CNTN5: variants seen among roughly 807,000 people sequenced by gnomAD.
CNTN5 encodes the protein contactin-5.
CNTN5 carries 77 observed loss-of-function variants against 129.1 expected under a neutral mutation model. The observed-to-expected ratio is 0.60, with a 90% confidence interval of 0.50 to 0.72. The LOEUF (loss-of-function observed/expected upper bound fraction) is 0.72, where lower values mean the gene tolerates loss of function less well. Among genes scored for constraint, CNTN5 ranks in the 30% least tolerant of loss-of-function variants. The pLI is 0.00. For synonymous variants in CNTN5, 509 were observed against 465.6 expected, an observed-to-expected ratio of 1.09 and a Z score of -1.20; for missense variants, 1,478 against 1,328.8, an observed-to-expected ratio of 1.11 and a Z score of -1.75.
At chr11:99,967,859 A>T (rs1332068861) in intron 8 of CNTN5, among the ~76,000 whole-genome samples, 2 of 152,138 alleles carry the variant, frequency 1.3e-5, no homozygotes, top group African/African-American at 2.4e-5. Flanking sequence ...TTCCCAGCAC[A>T]GTTGTTAATT....
chr11:99,657,038 C>G (rs1416191624), intron 3 of CNTN5, among the ~76,000 whole-genome samples: 3 of 149,744 alleles, frequency 2.0e-5, no homozygotes, highest in Non-Finnish European at 4.4e-5. Flanking sequence ...AGAAGAGTTC[C>G]CTCTGTCCCA....
chr11:100,127,087 C>A (rs563381426), intron 13 of CNTN5, among the ~76,000 whole-genome samples: 1 of 142,058 alleles, frequency 7.0e-6, no homozygotes. Context: ...CACCACCATG[C>A]GCAGCTAATT....
rs377320713 is a variant in CNTN5, at chr11:100,032,627, T to C, written c.981-28585T>C. Among the ~76,000 whole-genome samples the C allele has an allele frequency of 1.4e-4, 21 of 152,292 alleles. No homozygotes were observed. In the South Asian group the frequency reaches 3.9e-3, roughly 29 times the overall value. ...ACATAATTCTTGTATGACTTTGTTA[T>C]GACTTTGTTATGCAATCGTTGATGA... On this transcript the variant is annotated intron_variant, in intron 9 of 24. Coordinates refer to ENST00000524871, the MANE Select transcript of CNTN5 (RefSeq NM_014361.4).
At chr11:99,102,763 G>C (rs1442008943) in intron 1 of CNTN5, among the ~76,000 whole-genome samples, 2 of 152,060 alleles carry the variant, frequency 1.3e-5, no homozygotes, top group Admixed American at 6.6e-5. Context: ...ACATTTTTCT[G>C]TCTTCTGTGC....
intron 3 of CNTN5, among the ~76,000 whole-genome samples, chr11:99,786,609 A>G (rs1945534012): frequency 6.6e-6 from 1 of 152,216 alleles, no homozygotes; most frequent in Non-Finnish European, 1.5e-5. Flanking sequence ...AAACTATACT[A>G]CAAAGCTGCA....
chr11:100,326,370 A>C (rs547997541), intron 21 of CNTN5, among the ~76,000 whole-genome samples: 1 of 152,278 alleles, frequency 6.6e-6, no homozygotes, highest in Non-Finnish European at 1.5e-5. Flanking sequence ...TCTGACATTT[A>C]AGATAGAGAA....
intron 1 of CNTN5, among the ~76,000 whole-genome samples, chr11:99,079,719 A>T (rs1186517827): frequency 1.3e-5 from 2 of 152,204 alleles, no homozygotes; most frequent in African/African-American, 4.8e-5. Flanking sequence ...TGAAGGTGTC[A>T]CACTGTTTCA....
intron 9 of CNTN5, among the ~76,000 whole-genome samples, chr11:100,007,436 A>G (rs573132922): frequency 2.0e-5 from 3 of 152,198 alleles, no homozygotes; most frequent in African/African-American, 4.8e-5. Context: ...AGCCATTTCC[A>G]TCAATTATCT....
intron 8 of CNTN5, among the ~76,000 whole-genome samples, chr11:99,962,984 C>T (rs974683221): frequency 4.5e-4 from 69 of 151,926 alleles, no homozygotes; most frequent in Non-Finnish European, 5.7e-4. Flanking sequence ...TCATATCCTT[C>T]GCCCACTTTT....
rs554543095 is a variant in CNTN5 at position 100,264,165 on chromosome 11, C to T, written c.2165-6927C>T. Among the ~76,000 whole-genome samples, 128 of 152,014 alleles carry T rather than the reference C, an allele frequency of 8.4e-4. No homozygotes were observed. The South Asian group carries it at 0.026, about 31-fold the overall frequency. ...TTATTTTTGTGTTTGTTTTAGAAGT[C>T]CCTACTGTAAAGTTGCATCTTTATC... is the stretch of plus-strand genomic sequence containing the variant. On this transcript the variant is annotated intron_variant, in intron 17 of 24. Coordinates refer to ENST00000524871, the MANE Select transcript of CNTN5 (RefSeq NM_014361.4).
chr11:99,826,781 A>T (rs1330758928), intron 4 of CNTN5, among the ~76,000 whole-genome samples: 2 of 152,208 alleles, frequency 1.3e-5, no homozygotes, highest in Admixed American at 1.3e-4. Flanking sequence ...TATCTGTGTT[A>T]ACAGCAAGCC....
chr11:99,654,065 T>C (rs941862282), intron 3 of CNTN5, among the ~76,000 whole-genome samples: 29 of 152,198 alleles, frequency 1.9e-4, no homozygotes, highest in Non-Finnish European at 7.4e-5. Context: ...TCAGTGATGA[T>C]AAATATTTTA....
In CNTN5 at chr11:99,999,874, G is replaced by A. The variant is rs189704246; in HGVS notation, c.878-2160G>A. Among the ~76,000 whole-genome samples the A allele has an allele frequency of 5.9e-5, 9 of 152,128 alleles. No homozygotes were observed. In the East Asian group the frequency reaches 1.6e-3, roughly 26 times the overall value. ...CCTTTGTAGGGACATGGATGAAATTGGAAATCATCATTCTCAGTAAACTGT... is the reference window on the plus strand; with the variant it reads ...CCTTTGTAGGGACATGGATGAAATTAGAAATCATCATTCTCAGTAAACTGT... On this transcript the variant is annotated intron_variant, in intron 8 of 24. Transcript: ENST00000524871.
At chr11:99,543,658 C>T (rs953632444) in intron 2 of CNTN5, among the ~76,000 whole-genome samples, 3 of 152,046 alleles carry the variant, frequency 2.0e-5, no homozygotes, top group Admixed American at 6.6e-5. Flanking sequence ...TGGCTCATGC[C>T]TGTAATCCCA....
At chr11:99,322,969 C>G (rs1037853309) in intron 1 of CNTN5, among the ~76,000 whole-genome samples, 21 of 152,116 alleles carry the variant, frequency 1.4e-4, no homozygotes, top group African/African-American at 5.1e-4. Flanking sequence ...AATAAGACAA[C>G]TTACCTTCTT....
intron 3 of CNTN5, among the ~76,000 whole-genome samples, chr11:99,721,882 A>G (rs1237324985): frequency 6.6e-6 from 1 of 152,192 alleles, no homozygotes; most frequent in Non-Finnish European, 1.5e-5. Context: ...ACATATGGAA[A>G]AAAGCTCAAT....
At chr11:100,306,302 G>C (rs1404366860) in intron 20 of CNTN5, among the ~76,000 whole-genome samples, 2 of 151,544 alleles carry the variant, frequency 1.3e-5, no homozygotes, top group Non-Finnish European at 3.0e-5. Context: ...TTCTATTTGA[G>C]AAATACTTAA....
chr11:100,032,131 G>A (rs753207587), intron 9 of CNTN5, among the ~76,000 whole-genome samples: 2 of 152,188 alleles, frequency 1.3e-5, no homozygotes, highest in African/African-American at 4.8e-5. Flanking sequence ...CCCAGGGGCT[G>A]CAGGTGAGAG....
chr11:99,368,400 G>A (rs780247475), intron 2 of CNTN5, among the ~76,000 whole-genome samples: 15 of 151,780 alleles, frequency 9.9e-5, no homozygotes, highest in Non-Finnish European at 1.9e-4. Context: ...CCAGCACTTT[G>A]AAAGGCTGAG....
Sources: gnomAD v4.1 joint callset for allele counts (sites outside exome capture counted in the v4.1 genomes callset) on GRCh38, gnomAD v4.1.1 for gene constraint, MANE v1.5 for transcripts, NCBI Gene and HGNC (gene_info 2026-07-23, HGNC 2026-07-21) for gene names.